Variants in DOCK9 observed in about 807,000 individuals in gnomAD.
The protein encoded by DOCK9 is dedicator of cytokinesis protein 9.
A neutral mutation model predicts 263.3 loss-of-function variants in DOCK9; 89 were observed. The observed-to-expected ratio is 0.34, with a 90% CI of 0.28 to 0.40. The LOEUF is 0.40. DOCK9 is among the 10% of genes least tolerant of loss of function. The pLI, the probability that DOCK9 is intolerant of heterozygous loss-of-function variation, is 1.00. For missense variants in DOCK9, 2,140 were observed against 2,603.4 expected (o/e 0.82, Z 3.87); for synonymous variants, 976 against 973.1 (o/e 1.00, Z -0.06).
chr13:99,069,659 G>A (rs186113583), intron 1 of DOCK9, among the ~76,000 whole-genome samples: 1 of 152,326 alleles, frequency 6.6e-6, no homozygotes, highest in Admixed American at 6.5e-5. Flanking sequence ...AAATTAGGAA[G>A]CTGGACCAGA....
intron 49 of DOCK9, among the ~76,000 whole-genome samples, chr13:98,803,860 T>G (rs1405594635): frequency 5.3e-5 from 8 of 152,222 alleles, no homozygotes; most frequent in African/African-American, 1.9e-4. Context: ...TTGTTTTAAC[T>G]TGTATCTCTT....
intron 1 of DOCK9, among the ~76,000 whole-genome samples, chr13:99,082,564 T>TA (rs200598443): frequency 1.0e-3 from 23 of 22,954 alleles, no homozygotes; most frequent in Admixed American, 3.6e-3. Context: ...AATAAATAAA[T>TA]AAAAAAAAAC....
rs9634513 is a variant in DOCK9, at chr13:98,976,955, A to G, written c.126+829T>C. Reference sequence around the variant, plus strand: ...ACGTTAAAGAAAAAAAAAAATCACTAAATAAAATCACTACATATCAGTTTA... The same window carrying G: ...ACGTTAAAGAAAAAAAAAAATCACTGAATAAAATCACTACATATCAGTTTA... On this transcript the variant is annotated intron_variant, in intron 1 of 52. Transcript: ENST00000682017. Among the ~76,000 whole-genome samples the G allele has an allele frequency of 7.9e-5, 12 of 152,326 alleles. No homozygotes were observed. The East Asian group carries it at 2.3e-3, about 29-fold the overall frequency.
intron 1 of DOCK9, among the ~76,000 whole-genome samples, chr13:98,996,978 T>C (rs1881199761): frequency 6.6e-6 from 1 of 152,182 alleles, no homozygotes; most frequent in South Asian, 2.1e-4. Flanking sequence ...TCAGCTGGCA[T>C]AACAGAAAGA....
intron 1 of DOCK9, among the ~76,000 whole-genome samples, chr13:99,043,595 C>A (rs763207617): frequency 6.6e-6 from 1 of 152,190 alleles, no homozygotes; most frequent in Non-Finnish European, 1.5e-5. Flanking sequence ...GGCTGCCAAA[C>A]AGGTCCACAA....
At chr13:98,800,899 G>A (rs1343356481) in intron 49 of DOCK9, among the ~76,000 whole-genome samples, 1 of 152,166 alleles carries the variant, frequency 6.6e-6, no homozygotes, top group African/African-American at 2.4e-5. Flanking sequence ...ATATCCTTGA[G>A]AAAATTCATT....
chr13:99,018,609 G>T (rs536284618), intron 1 of DOCK9, among the ~76,000 whole-genome samples: 13 of 152,298 alleles, frequency 8.5e-5, no homozygotes, highest in African/African-American at 2.9e-4. Flanking sequence ...AATATTTAGA[G>T]TGAAGTATTC....
intron 5 of DOCK9, among the ~76,000 whole-genome samples, chr13:98,922,723 A>T (rs1439140605): frequency 6.6e-6 from 1 of 152,202 alleles, no homozygotes; most frequent in African/African-American, 2.4e-5. Flanking sequence ...AGAAGGAAAA[A>T]CCTAAACTCA....
At chr13:98,973,800 G>A (rs2059965352) in intron 1 of DOCK9, among the ~76,000 whole-genome samples, 1 of 152,138 alleles carries the variant, frequency 6.6e-6, no homozygotes, top group Non-Finnish European at 1.5e-5. Context: ...GTTTCGCCAT[G>A]TTGCCCAAAC....
chr13:98,984,137 A>T (rs1174862893), intron 1 of DOCK9, among the ~76,000 whole-genome samples: 1 of 152,206 alleles, frequency 6.6e-6, no homozygotes, highest in Non-Finnish European at 1.5e-5. Flanking sequence ...GGACCATTGG[A>T]AGGTCCTTCA....
chr13:99,060,623 A>G (rs2041146113), intron 1 of DOCK9, among the ~76,000 whole-genome samples: 1 of 152,220 alleles, frequency 6.6e-6, no homozygotes. Context: ...CCTTACCAAC[A>G]TAACAATAAC....
chr13:98,836,585 G>A (rs1027822031), intron 39 of DOCK9, among the ~76,000 whole-genome samples: 7 of 152,044 alleles, frequency 4.6e-5, no homozygotes, highest in African/African-American at 9.7e-5. Flanking sequence ...GTAATGAGGC[G>A]CTTCTACCCC....
chr13:98,808,660 C>G (rs1213645222), intron 47 of DOCK9: 1 of 1,589,446 alleles, frequency 6.3e-7, no homozygotes, highest in African/African-American at 1.3e-5. Flanking sequence ...GTTTCACTGT[C>G]TGTAAACTGG....
At chr13:98,977,716 C>A in intron 1 of DOCK9, 68 bp downstream of exon 1, 1 of 1,512,350 alleles carries the variant, frequency 6.6e-7, no homozygotes, top group Non-Finnish European at 9.0e-7. Context: ...GCGTCAACCC[C>A]GTCCACACGC....
chr13:99,062,588 G>T (rs144599163), intron 1 of DOCK9, among the ~76,000 whole-genome samples: 2 of 152,322 alleles, frequency 1.3e-5, no homozygotes, highest in African/African-American at 2.4e-5. Flanking sequence ...GAAAGAATGA[G>T]GGGCACTTGT....
chr13:99,057,587 A>G (rs1366961020), intron 1 of DOCK9, among the ~76,000 whole-genome samples: 3 of 152,230 alleles, frequency 2.0e-5, no homozygotes, highest in African/African-American at 7.2e-5. Context: ...TAACACCTAA[A>G]GGTTTCCATA....
chr13:99,082,526 A>T (rs1349794130), intron 1 of DOCK9, among the ~76,000 whole-genome samples: 1 of 103,934 alleles, frequency 9.6e-6, no homozygotes, highest in Non-Finnish European at 2.3e-5. Context: ...TCTCAAAAAA[A>T]TAATAATAAT....
intron 1 of DOCK9, among the ~76,000 whole-genome samples, chr13:99,061,265 A>C (rs952713295): frequency 6.6e-6 from 1 of 152,194 alleles, no homozygotes; most frequent in Non-Finnish European, 1.5e-5. Flanking sequence ...ACAATGAAGG[A>C]TGTCAAGGAC....
At chr13:98,843,031 G>C (rs376914249) in intron 38 of DOCK9, among the ~76,000 whole-genome samples, 1 of 152,212 alleles carries the variant, frequency 6.6e-6, no homozygotes. Flanking sequence ...GATGGGGACA[G>C]ACCTACAAAG....
Sources: gnomAD v4.1 joint callset for allele counts (sites outside exome capture counted in the v4.1 genomes callset) on GRCh38, gnomAD v4.1.1 for gene constraint, MANE v1.5 for transcripts, NCBI Gene and HGNC (gene_info 2026-07-23, HGNC 2026-07-21) for gene names.